Variants in FTO observed in about 807,000 individuals in gnomAD.
FTO encodes the protein FTO alpha-ketoglutarate dependent dioxygenase, also known as alpha-ketoglutarate-dependent dioxygenase FTO.
A neutral mutation model predicts 63.9 loss-of-function variants in FTO; 47 were observed. The ratio of observed to expected loss-of-function variants is 0.74; its 90% CI spans 0.58 to 0.94. The LOEUF is 0.94. FTO is among the 40% of genes least tolerant of loss of function. FTO has a pLI of 0.00. For missense variants in FTO, 562 were observed against 618.1 expected, an observed-to-expected ratio of 0.91 and a Z score of 0.96; for synonymous variants, 207 against 224.4, an observed-to-expected ratio of 0.92 and a Z score of 0.69.
chr16:53,883,635 A>C (rs1253066390), intron 6 of FTO, among the ~76,000 whole-genome samples: 2 of 138,604 alleles, frequency 1.4e-5, no homozygotes, highest in South Asian at 2.3e-4. Context: ...AAAAAAAAAA[A>C]CAAAAAAAAA....
intron 7 of FTO, among the ~76,000 whole-genome samples, chr16:53,929,393 G>C (rs1438213942): frequency 1.3e-5 from 2 of 152,190 alleles, no homozygotes; most frequent in Non-Finnish European, 1.5e-5. Flanking sequence ...TATTGCTGTA[G>C]TGGTGTTCTG....
At chr16:53,931,183 A>T (rs567599270) in intron 7 of FTO, among the ~76,000 whole-genome samples, 6 of 152,308 alleles carry the variant, frequency 3.9e-5, no homozygotes, top group Admixed American at 3.3e-4. Flanking sequence ...CAGGGGGGAA[A>T]AATTTTGTTT....
chr16:53,790,452 C>T (rs1443571624), intron 1 of FTO, among the ~76,000 whole-genome samples: 3 of 151,810 alleles, frequency 2.0e-5, no homozygotes, highest in South Asian at 2.1e-4. Flanking sequence ...CATGTTGGCT[C>T]ACACCTGTAA....
intron 8 of FTO, among the ~76,000 whole-genome samples, chr16:53,968,486 T>C (rs556214886): frequency 6.6e-6 from 1 of 152,352 alleles, no homozygotes; most frequent in African/African-American, 2.4e-5. Context: ...ATACACCATC[T>C]AAAATCAGCA....
chr16:53,850,186 G>T (rs1222877134), intron 4 of FTO, among the ~76,000 whole-genome samples: 1 of 152,184 alleles, frequency 6.6e-6, no homozygotes, highest in East Asian at 1.9e-4. Context: ...TAAGTGGAAA[G>T]TGCTTGAACA....
At chr16:54,016,853 A>G (rs2144116570) in intron 8 of FTO, among the ~76,000 whole-genome samples, 1 of 152,314 alleles carries the variant, frequency 6.6e-6, no homozygotes, top group African/African-American at 2.4e-5. Context: ...CCAGAGCAAA[A>G]TTCAACTACA....
At chr16:53,773,923 G>A (rs1421751503) in intron 1 of FTO, among the ~76,000 whole-genome samples, 1 of 152,150 alleles carries the variant, frequency 6.6e-6, no homozygotes. Context: ...CATAGGAACA[G>A]TGGGCCTGCC....
At chr16:54,079,205 C>G (rs1485383249) in intron 8 of FTO, among the ~76,000 whole-genome samples, 1 of 152,024 alleles carries the variant, frequency 6.6e-6, no homozygotes, top group African/African-American at 2.4e-5. Context: ...TAGGTACGCC[C>G]TTAGAGATGG....
intron 4 of FTO, among the ~76,000 whole-genome samples, chr16:53,858,749 C>T (rs1489619606): frequency 1.3e-5 from 2 of 151,812 alleles, no homozygotes; most frequent in African/African-American, 2.4e-5. Flanking sequence ...CAACCTCCGC[C>T]TCCTGGGTTC....
intron 1 of FTO, among the ~76,000 whole-genome samples, chr16:53,773,730 T>G (rs765061881): frequency 2.0e-5 from 3 of 152,184 alleles, no homozygotes; most frequent in Non-Finnish European, 2.9e-5. Flanking sequence ...CTTTTGAGCT[T>G]CTTCAGACCA....
chr16:53,809,318 C>T (rs566742326), intron 1 of FTO, among the ~76,000 whole-genome samples: 8 of 152,174 alleles, frequency 5.3e-5, no homozygotes, highest in African/African-American at 1.4e-4. Context: ...AAAGCAATAC[C>T]GTAAGTGGAT....
At chr16:53,977,026 G>A (rs1340774148) in intron 8 of FTO, among the ~76,000 whole-genome samples, 2 of 152,060 alleles carry the variant, frequency 1.3e-5, no homozygotes, top group Non-Finnish European at 2.9e-5. Flanking sequence ...TTGGAATAAT[G>A]TTAACTAGTA....
chr16:53,829,706 G>T (rs1175618326), intron 3 of FTO, among the ~76,000 whole-genome samples: 1 of 152,156 alleles, frequency 6.6e-6, no homozygotes, highest in Non-Finnish European at 1.5e-5. Flanking sequence ...TAGACAGTAT[G>T]GGAACTCCAA....
intron 4 of FTO, among the ~76,000 whole-genome samples, chr16:53,853,592 A>C (rs899718944): frequency 6.6e-6 from 1 of 151,964 alleles, no homozygotes; most frequent in Admixed American, 6.6e-5. Context: ...TCCATTCCTG[A>C]GTTACTTCAC....
intron 1 of FTO, among the ~76,000 whole-genome samples, chr16:53,706,350 T>C (rs879731520): frequency 6.6e-6 from 1 of 152,184 alleles, no homozygotes; most frequent in African/African-American, 2.4e-5. Context: ...TTTTGACAAA[T>C]GTATATACCT....
intron 7 of FTO, among the ~76,000 whole-genome samples, chr16:53,915,852 A>G (rs935076300): frequency 1.3e-5 from 2 of 152,206 alleles, no homozygotes; most frequent in Non-Finnish European, 2.9e-5. Context: ...AAGGCAGGAG[A>G]GGCAATTGTC....
intron 8 of FTO, among the ~76,000 whole-genome samples, chr16:54,020,311 A>G (rs2084558869): frequency 6.6e-6 from 1 of 152,214 alleles, no homozygotes; most frequent in Non-Finnish European, 1.5e-5. Flanking sequence ...AAAGCTGCCC[A>G]TCCCTTCACC....
intron 8 of FTO, among the ~76,000 whole-genome samples, chr16:53,950,162 A>AAAAAAAAAAAAC (rs1567466183): frequency 4.0e-5 from 5 of 124,818 alleles, no homozygotes; most frequent in Admixed American, 3.1e-4. Context: ...TTGTAAAAAA[A>AAAAAAAAAAAAC]AAAAAAAAAA....
intron 8 of FTO, chr16:53,998,497 A>G (rs1160128950): frequency 6.6e-6 from 1 of 152,216 alleles, no homozygotes; most frequent in African/African-American, 2.4e-5. Context: ...GTGTTCTTCT[A>G]TTTATAAGGA....
Sources: allele counts gnomAD v4.1 joint callset (sites outside exome capture counted in the v4.1 genomes callset), GRCh38; gene constraint gnomAD v4.1.1; transcripts MANE v1.5; gene names NCBI Gene and HGNC (gene_info 2026-07-23, HGNC 2026-07-21).